GNG7: variants seen among roughly 807,000 people sequenced by gnomAD.
GNG7 encodes the protein G protein subunit gamma 7.
GNG7 carries 1 observed loss-of-function variant against 4.0 expected under a neutral mutation model. That is an observed-to-expected ratio of 0.25 (90% confidence interval 0.09 to 1.18). The LOEUF is 1.18. Among genes scored for constraint, GNG7 ranks in the 50% most tolerant of loss-of-function variants. The pLI is 0.50. For missense variants in GNG7, 86 were observed against 91.9 expected (o/e 0.94, Z 0.26); for synonymous variants, 34 against 36.9 (o/e 0.92, Z 0.29).
chr19:2,642,391 G>T (rs1033446091), intron 2 of GNG7: 1 of 255,238 alleles, frequency 3.9e-6, no homozygotes, highest in African/African-American at 2.2e-5. Context: ...TTTTAGACAG[G>T]GTCTGGCTCT....
chr19:2,531,895 T>A (rs1978603274), intron 3 of GNG7, among the ~76,000 whole-genome samples: 1 of 151,496 alleles, frequency 6.6e-6, no homozygotes, highest in Admixed American at 6.6e-5. Flanking sequence ...CTCACGCCTG[T>A]AATCCCAGCA....
intron 3 of GNG7, among the ~76,000 whole-genome samples, chr19:2,554,322 G>A (rs566961251): frequency 4.0e-4 from 59 of 149,352 alleles, no homozygotes; most frequent in African/African-American, 1.4e-3. Context: ...AAAATGCTAG[G>A]ATGACAGGCA....
At chr19:2,589,018 T>G (rs944162397) in intron 2 of GNG7, among the ~76,000 whole-genome samples, 3 of 152,060 alleles carry the variant, frequency 2.0e-5, no homozygotes, top group Non-Finnish European at 4.4e-5. Context: ...AACCTCCCCC[T>G]TCCAGGTTCA....
intron 1 of GNG7, among the ~76,000 whole-genome samples, chr19:2,685,083 G>A (rs889963745): frequency 6.6e-6 from 1 of 150,830 alleles, no homozygotes; most frequent in Admixed American, 6.6e-5. Context: ...AAGATCGCAC[G>A]ACTGCACTCC....
chr19:2,520,966 C>T (rs1026271862), intron 3 of GNG7, among the ~76,000 whole-genome samples: 9 of 152,110 alleles, frequency 5.9e-5, no homozygotes, highest in South Asian at 4.1e-4. Flanking sequence ...AATGAAAGGG[C>T]GAAGGCAGGC....
At chr19:2,579,962 T>C (rs1383547941) in intron 2 of GNG7, among the ~76,000 whole-genome samples, 2 of 152,082 alleles carry the variant, frequency 1.3e-5, no homozygotes, top group African/African-American at 2.4e-5. Context: ...CTCCTCCAGT[T>C]CTGGGGGCGC....
At chr19:2,547,470 C>G (rs1979167065) in intron 3 of GNG7, among the ~76,000 whole-genome samples, 1 of 152,118 alleles carries the variant, frequency 6.6e-6, no homozygotes, top group South Asian at 2.1e-4. Context: ...GACTCTCACC[C>G]TCCTGCCTCC....
chr19:2,621,734 G>A (rs891364455), intron 2 of GNG7, among the ~76,000 whole-genome samples: 1 of 151,600 alleles, frequency 6.6e-6, no homozygotes, highest in Non-Finnish European at 1.5e-5. Flanking sequence ...AACAAAGAAG[G>A]AGACACAGAG....
At chr19:2,553,624 C>T (rs917487282) in intron 3 of GNG7, among the ~76,000 whole-genome samples, 1 of 141,240 alleles carries the variant, frequency 7.1e-6, no homozygotes, top group African/African-American at 2.8e-5. Flanking sequence ...TACATACATG[C>T]ACACGTTACA....
intron 1 of GNG7, among the ~76,000 whole-genome samples, chr19:2,682,322 G>A (rs796805527): frequency 1.2e-4 from 18 of 152,222 alleles, no homozygotes; most frequent in African/African-American, 3.6e-4. Context: ...GTTCCATCAC[G>A]GAGATGAAAG....
chr19:2,547,509 G>T (rs907977126), intron 3 of GNG7, among the ~76,000 whole-genome samples: 4 of 151,698 alleles, frequency 2.6e-5, no homozygotes, highest in African/African-American at 9.7e-5. Flanking sequence ...AGGTCACTGC[G>T]CCCCCCCACC....
chr19:2,544,477 C>T (rs1221657377), intron 3 of GNG7, among the ~76,000 whole-genome samples: 6 of 152,134 alleles, frequency 3.9e-5, no homozygotes, highest in African/African-American at 7.2e-5. Flanking sequence ...CTCCGCCTCC[C>T]GGGTTCAGGA....
At chr19:2,586,436 C>T (rs949893500) in intron 2 of GNG7, among the ~76,000 whole-genome samples, 1 of 152,160 alleles carries the variant, frequency 6.6e-6, no homozygotes, top group South Asian at 2.1e-4. Flanking sequence ...TGGGATGGCG[C>T]GTCTGGCTTG....
chr19:2,553,270 G>A (rs1412246918), intron 3 of GNG7, among the ~76,000 whole-genome samples: 2 of 151,190 alleles, frequency 1.3e-5, no homozygotes, highest in Admixed American at 1.3e-4. Flanking sequence ...ATCCAATTAG[G>A]TAATCTACAC....
At chr19:2,542,999 G>A (rs1163638230) in intron 3 of GNG7, among the ~76,000 whole-genome samples, 5 of 143,218 alleles carry the variant, frequency 3.5e-5, no homozygotes, top group Non-Finnish European at 6.0e-5. Flanking sequence ...TGCAACCTCC[G>A]CCTCCCAGGT....
intron 3 of GNG7, among the ~76,000 whole-genome samples, chr19:2,536,352 C>T (rs761053086): frequency 2.7e-5 from 4 of 150,690 alleles, no homozygotes; most frequent in East Asian, 1.9e-4. Flanking sequence ...TGGGAGGCGG[C>T]GGTTGCAGTG....
intron 2 of GNG7, among the ~76,000 whole-genome samples, chr19:2,608,060 A>G (rs1981445940): frequency 6.6e-6 from 1 of 152,004 alleles, no homozygotes; most frequent in East Asian, 1.9e-4. Flanking sequence ...AGAAAAAAAA[A>G]AAAAAAAAGG....
rs1981502113 is a variant in GNG7 at position 2,609,737 on chromosome 19, TCACGC to T, written c.-78+36482_-78+36486del. On this transcript the variant is annotated intron_variant, in intron 2 of 4. Transcript: ENST00000382159. This position sits in a 1 kb window ranked among gnomAD's most constrained non-coding sequence, Gnocchi z 4.4. ...GAGGTTACAGAGCCCCAGCAAACCA[TCACGC>T]TGGGTTAAAGGAACTGGTCCCCAGA... 1.3e-5 allele frequency among the ~76,000 whole-genome samples: 2 copies of T among 152,066 alleles called. No individual in the cohort carries two copies. Among genetic ancestry groups the T allele is most frequent in the Non-Finnish European group, 2.9e-5 (2 of 68,006 alleles).
At chr19:2,517,195 T>A (rs1195179670) in intron 4 of GNG7, 1 of 152,200 alleles carries the variant, frequency 6.6e-6, no homozygotes, top group Non-Finnish European at 1.5e-5. Flanking sequence ...TATCTGTTTT[T>A]GAGACAGGGT....
Sources: gnomAD v4.1 joint callset for allele counts (sites outside exome capture counted in the v4.1 genomes callset) on GRCh38, gnomAD v4.1.1 for gene constraint, Gnocchi (gnomAD v3.1) non-coding constraint, MANE v1.5 for transcripts, NCBI Gene and HGNC (gene_info 2026-07-23, HGNC 2026-07-21) for gene names.